MAP3K4: variants seen among roughly 807,000 people sequenced by gnomAD.
MAP3K4 encodes mitogen-activated protein kinase kinase kinase 4.
Under a neutral mutation model 185.6 loss-of-function variants are expected in MAP3K4, and 67 were observed. The ratio of observed to expected loss-of-function variants is 0.36; its 90% confidence interval spans 0.30 to 0.44. MAP3K4 has a LOEUF of 0.44. Among genes scored for constraint, MAP3K4 ranks in the 20% least tolerant of loss-of-function variants. MAP3K4 has a pLI of 1.00. For synonymous variants in MAP3K4, 702 were observed against 710.4 expected, an observed-to-expected ratio of 0.99 and a Z score of 0.19; for missense variants, 1,551 against 1,995.1, an observed-to-expected ratio of 0.78 and a Z score of 4.24.
intron 1 of MAP3K4, among the ~76,000 whole-genome samples, chr6:161,006,780 C>T (rs71565785): frequency 0.09 from 13,708 of 151,640 alleles, 779 homozygotes; most frequent in African/African-American, 0.17. Context: ...AAAGAGAAAG[C>T]CTATATATTC....
In MAP3K4 at chr6:161,112,571, G is replaced by A; in HGVS notation, c.4520-97G>A. ...TATTTCCCATTACCTAATGCAGGAA[G>A]ATAATATTGTACAATATTAATTTAT... On this transcript the variant is annotated intron_variant, in intron 24 of 26. Coordinates refer to ENST00000392142, the MANE Select transcript of MAP3K4 (RefSeq NM_005922.4). The surrounding 1 kb of genome is among the most constrained non-coding windows in gnomAD (Gnocchi z 5.1). The A allele has an allele frequency of 1.4e-6, 1 of 736,998 alleles. No homozygotes were observed. Among genetic ancestry groups the A allele is most frequent in the Non-Finnish European group, 2.0e-6 (1 of 496,058 alleles). The allele number at this position is 736,998 out of a possible 1,614,324, so 45.7% of individuals were successfully genotyped here. A position where few individuals can be genotyped will look rare whatever the true frequency, so the allele number is the denominator to read the frequency against.
Position 161,106,835 on chromosome 6 carries a change from T to C in MAP3K4, c.4048+130T>C. The C allele has an allele frequency of 1.6e-6, 1 of 643,606 alleles. No homozygotes were observed. Among genetic ancestry groups the C allele is most frequent in the Non-Finnish European group, 2.4e-6 (1 of 422,754 alleles). 39.9% of individuals were successfully genotyped at this position (643,606 alleles called of 1,614,324 possible). ...GACATAGCAAGTATGCATTGTTATCTTTTTGCAAAGTGGTCTGGATTTTTT... is the reference window on the plus strand; with the variant it reads ...GACATAGCAAGTATGCATTGTTATCCTTTTGCAAAGTGGTCTGGATTTTTT... On this transcript the variant is annotated intron_variant, in intron 20 of 26. Coordinates refer to ENST00000392142, the MANE Select transcript of MAP3K4 (RefSeq NM_005922.4). This position sits in a 1 kb window ranked among gnomAD's most constrained non-coding sequence, Gnocchi z 4.9.
intron 1 of MAP3K4, among the ~76,000 whole-genome samples, chr6:161,018,152 T>A (rs1258419604): frequency 6.6e-6 from 1 of 152,136 alleles, no homozygotes; most frequent in Non-Finnish European, 1.5e-5. Context: ...GTGAACTTGC[T>A]GAGTGGAGGA....
At chr6:161,083,738 A>G (rs1266761376) in intron 6 of MAP3K4, among the ~76,000 whole-genome samples, 1 of 152,046 alleles carries the variant, frequency 6.6e-6, no homozygotes, top group Non-Finnish European at 1.5e-5. Flanking sequence ...TTTTCCCAGT[A>G]TTAGTCCACC....
At chr6:161,012,063 A>G (rs2115081644) in intron 1 of MAP3K4, among the ~76,000 whole-genome samples, 1 of 152,272 alleles carries the variant, frequency 6.6e-6, no homozygotes, top group East Asian at 1.9e-4. Context: ...GTGGCCACGC[A>G]TTTCGAGTCC....
rs540078810 is a variant in MAP3K4 at position 161,061,839 on chromosome 6, G to A, written c.1708-8769G>A. ...ATATTCCATTGTATGGCTATACCAC[G>A]TTTTGTTGATCTATTCATAGATTTC... On this transcript the variant is annotated intron_variant, in intron 3 of 26. Transcript: ENST00000392142. The surrounding 1 kb of genome is among the most constrained non-coding windows in gnomAD (Gnocchi z 4.2). Among the ~76,000 whole-genome samples the A allele has an allele frequency of 1.3e-4, 20 of 152,136 alleles. No individual in the cohort carries two copies. In the South Asian group the frequency reaches 2.3e-3, roughly 17 times the overall value.
Position 161,091,947 on chromosome 6 carries a change from T to C in MAP3K4, c.3136-63T>C. The C allele has an allele frequency of 1.5e-6, 2 of 1,339,414 alleles. No individual in the cohort carries two copies. The highest frequency in any genetic ancestry group is 3.4e-5 in the Admixed American group (2 of 58,166). 83.0% of individuals were successfully genotyped at this position (1,339,414 alleles called of 1,614,324 possible). A position where few individuals can be genotyped will look rare whatever the true frequency, so the allele number is the denominator to read the frequency against. ...AGAAAACATTTTAGACATGGCATTA[T>C]AGTGTGTGATATTATTTAATGATCA... On this transcript the variant is annotated intron_variant, in intron 12 of 26. Coordinates refer to ENST00000392142, the MANE Select transcript of MAP3K4 (RefSeq NM_005922.4). This position sits in a 1 kb window ranked among gnomAD's most constrained non-coding sequence, Gnocchi z 5.5.
rs995466623 is a variant in MAP3K4 at position 161,049,197 on chromosome 6, G to A, written c.925G>A (p.Ala309Thr). The change falls in exon 3 of 27, where the codon GCC becomes ACC. Residue 309 changes from alanine (A) to threonine (T), a missense_variant. Physicochemically the swap from Ala to Thr is moderately conservative, Grantham distance 58. Coordinates refer to ENST00000392142, the MANE Select transcript of MAP3K4 (RefSeq NM_005922.4). The surrounding 1 kb of genome is among the most constrained non-coding windows in gnomAD (Gnocchi z 8.4). ...LTFKVDYGSFAFVRDRAGFNG... is the reference protein window; with the variant it reads ...LTFKVDYGSFTFVRDRAGFNG... ...TTTCAAAGTCGACTATGGGAGCTTCGCCTTTGTTAGAGATAGAGCTGGTTT... is the reference window on the plus strand; with the variant it reads ...TTTCAAAGTCGACTATGGGAGCTTCACCTTTGTTAGAGATAGAGCTGGTTT... 1.9e-6 allele frequency: 3 copies of A among 1,614,036 alleles called. No homozygotes were observed. In the Admixed American group the frequency reaches 5.0e-5, roughly 27 times the overall value.
chr6:161,014,383 GT>G (rs1255965036), intron 1 of MAP3K4, among the ~76,000 whole-genome samples: 2 of 152,128 alleles, frequency 1.3e-5, no homozygotes, highest in African/African-American at 2.4e-5. Context: ...ATGTAAGTAG[GT>G]TTGCTTTCCT....
chr6:161,102,045 C>G, intron 18 of MAP3K4, 53 bp downstream of exon 18: 1 of 1,413,304 alleles, frequency 7.1e-7, no homozygotes, highest in Non-Finnish European at 9.9e-7. Flanking sequence ...TCATTTGTCT[C>G]AGTTCACCAG....
intron 2 of MAP3K4, among the ~76,000 whole-genome samples, chr6:161,038,200 C>T (rs1167487561): frequency 6.6e-6 from 1 of 152,160 alleles, no homozygotes; most frequent in Non-Finnish European, 1.5e-5. Context: ...AGACCTAGTT[C>T]CAGGTCAAGT....
Position 161,080,572 on chromosome 6 carries a change from A to C in MAP3K4, c.2098-309A>C. On this transcript the variant is annotated intron_variant, in intron 5 of 26. Transcript: ENST00000392142. This position sits in a 1 kb window ranked among gnomAD's most constrained non-coding sequence, Gnocchi z 4.8. ...TGTTGACAGTACATTCATAATGAAA[A>C]GTTCTGGGTACTGTTCTTTTGATTT... 1 of 319,782 alleles carries C rather than the reference A, an allele frequency of 3.1e-6. No homozygotes were observed. The highest frequency in any genetic ancestry group is 5.9e-6 in the Non-Finnish European group (1 of 170,758). The allele number at this position is 319,782 out of a possible 1,614,324, so 19.8% of individuals were successfully genotyped here. A position where few individuals can be genotyped will look rare whatever the true frequency, so the allele number is the denominator to read the frequency against.
intron 2 of MAP3K4, among the ~76,000 whole-genome samples, chr6:161,036,487 A>G (rs1016883236): frequency 1.4e-4 from 22 of 152,342 alleles, no homozygotes; most frequent in African/African-American, 5.1e-4. Flanking sequence ...AAGCCTGACT[A>G]CAGACTCTCT....
chr6:161,113,935 T>A (rs1313383330), intron 25 of MAP3K4, among the ~76,000 whole-genome samples: 1 of 151,774 alleles, frequency 6.6e-6, no homozygotes, highest in Admixed American at 6.6e-5. Flanking sequence ...GTAGCTGGGA[T>A]TACAGGCACC....
intron 1 of MAP3K4, among the ~76,000 whole-genome samples, chr6:161,030,694 C>T (rs1782887153): frequency 6.6e-6 from 1 of 152,174 alleles, no homozygotes; most frequent in Non-Finnish European, 1.5e-5. Context: ...GGATTACAGA[C>T]ATGAGCCATT....
Position 161,110,265 on chromosome 6 carries a change from A to G in MAP3K4, c.4396+351A>G, listed in dbSNP as rs1331818462. Among the ~76,000 whole-genome samples the G allele has an allele frequency of 5.9e-5, 9 of 152,216 alleles. No homozygotes were observed. The highest frequency in any genetic ancestry group is 1.9e-4 in the African/African-American group (8 of 41,448). The stretch of plus-strand genomic sequence containing the variant: ...CGTGTCAGGATTCTTGTCTATTTAT[A>G]TATGAAAATCATGAATATGTAAACC... On this transcript the variant is annotated intron_variant, in intron 23 of 26. Transcript: ENST00000392142. The surrounding 1 kb of genome is among the most constrained non-coding windows in gnomAD (Gnocchi z 4.8).
intron 1 of MAP3K4, among the ~76,000 whole-genome samples, chr6:161,005,756 C>T (rs1277459892): frequency 6.6e-6 from 1 of 152,068 alleles, no homozygotes; most frequent in Non-Finnish European, 1.5e-5. Flanking sequence ...GTATATTTAA[C>T]ACACTGATAA....
rs555854555 is a variant in MAP3K4 at position 161,022,130 on chromosome 6, T to C, written c.153-12129T>C. 5.9e-5 allele frequency: 9 copies of C among 152,280 alleles called. No homozygotes were observed. The highest frequency in any genetic ancestry group is 2.6e-4 in the Admixed American group (4 of 15,300). 9.4% of individuals were successfully genotyped at this position (152,280 alleles called of 1,614,324 possible). On this transcript the variant is annotated intron_variant, in intron 1 of 26. Coordinates refer to ENST00000392142, the MANE Select transcript of MAP3K4 (RefSeq NM_005922.4). This position sits in a 1 kb window ranked among gnomAD's most constrained non-coding sequence, Gnocchi z 4.2. The stretch of plus-strand genomic sequence containing the variant: ...GCACACCGGCACACACCCAGGCTCA[T>C]GTGAAAGGAACGGAGACTCAAGCCT...
Position 161,007,891 on chromosome 6 carries a change from TGTA to T in MAP3K4, c.152+15810_152+15812del, listed in dbSNP as rs997444740. ...GACACAGTGCTTTTTTTATATCAGT[TGTA>T]GGGTACGGTGAAATATCAGAGATGT... On this transcript the variant is annotated intron_variant, in intron 1 of 26. Transcript: ENST00000392142. The surrounding 1 kb of genome is among the most constrained non-coding windows in gnomAD (Gnocchi z 4.5). 6.6e-6 allele frequency among the ~76,000 whole-genome samples: 1 copy of T among 152,254 alleles called. No individual in the cohort carries two copies. The highest frequency in any genetic ancestry group is 2.4e-5 in the African/African-American group (1 of 41,474).
Sources: gnomAD v4.1 joint callset for allele counts (sites outside exome capture counted in the v4.1 genomes callset) on GRCh38, gnomAD v4.1.1 for gene constraint, Gnocchi (gnomAD v3.1) non-coding constraint, MANE v1.5 for transcripts, NCBI Gene and HGNC (gene_info 2026-07-23, HGNC 2026-07-21) for gene names.